Variants in ULK4 observed in about 807,000 individuals in gnomAD.
ULK4 encodes the protein unc-51 like kinase 4, also known as inactive serine/threonine-protein kinase ULK4.
ULK4 carries 133 observed loss-of-function variants against 160.6 expected under a neutral mutation model. That is an observed-to-expected ratio of 0.83 (90% CI 0.72 to 0.96). The LOEUF (loss-of-function observed/expected upper bound fraction) is 0.96, where lower values mean the gene tolerates loss of function less well. ULK4 is among the 40% of genes least tolerant of loss of function. ULK4 has a pLI of 0.00. For missense variants in ULK4, 1,580 were observed against 1,499.5 expected (o/e 1.05, Z -0.89); for synonymous variants, 534 against 539.8 (o/e 0.99, Z 0.15).
At chr3:41,434,359 T>C (rs1167447208) in intron 34 of ULK4, among the ~76,000 whole-genome samples, 1 of 152,148 alleles carries the variant, frequency 6.6e-6, no homozygotes, top group South Asian at 2.1e-4. Context: ...TATTGAGAAA[T>C]GGGATAGAAA....
chr3:41,721,662 G>T (rs1204447141), intron 22 of ULK4, among the ~76,000 whole-genome samples: 1 of 151,716 alleles, frequency 6.6e-6, no homozygotes, highest in Non-Finnish European at 1.5e-5. Flanking sequence ...CACCATGCCT[G>T]GCCAATGTTT....
chr3:41,952,458 T>C (rs1269566070), intron 2 of ULK4, among the ~76,000 whole-genome samples: 2 of 151,982 alleles, frequency 1.3e-5, no homozygotes, highest in African/African-American at 2.4e-5. Flanking sequence ...TATAAGCATA[T>C]GAAAAGATGC....
chr3:41,582,585 C>A (rs1392090323), intron 31 of ULK4, among the ~76,000 whole-genome samples: 1 of 152,184 alleles, frequency 6.6e-6, no homozygotes, highest in Non-Finnish European at 1.5e-5. Flanking sequence ...TCTGAGGAGG[C>A]CTTCATCACC....
At chr3:41,593,951 G>A (rs1349698559) in intron 31 of ULK4, among the ~76,000 whole-genome samples, 1 of 152,026 alleles carries the variant, frequency 6.6e-6, no homozygotes, top group Non-Finnish European at 1.5e-5. Context: ...GGGCTGAGGT[G>A]GGAAGATGGA....
chr3:41,929,692 TAACA>T (rs1350999775), intron 5 of ULK4, among the ~76,000 whole-genome samples: 1 of 151,916 alleles, frequency 6.6e-6, no homozygotes, highest in Non-Finnish European at 1.5e-5. Flanking sequence ...TATACACCAA[TAACA>T]AACAAACAGA....
intron 32 of ULK4, among the ~76,000 whole-genome samples, chr3:41,527,422 G>C (rs1395303152): frequency 6.6e-6 from 1 of 152,222 alleles, no homozygotes; most frequent in Non-Finnish European, 1.5e-5. Context: ...AACTTGTTTA[G>C]ATTTTGTCAC....
At chr3:41,247,045 G>C in intron 36 of ULK4, 53 bp from the exon 37 acceptor site, 1 of 1,560,018 alleles carries the variant, frequency 6.4e-7, no homozygotes, top group Middle Eastern at 1.7e-4. Flanking sequence ...AAGGTAAAGT[G>C]CTCCCCCCTT....
At chr3:41,677,900 T>A (rs1414659436) in intron 29 of ULK4, among the ~76,000 whole-genome samples, 4 of 152,258 alleles carry the variant, frequency 2.6e-5, no homozygotes, top group Admixed American at 2.6e-4. Flanking sequence ...CTCCCTAACA[T>A]GGGTGAATCT....
At chr3:41,680,937 C>T (rs1161072817) in intron 29 of ULK4, among the ~76,000 whole-genome samples, 1 of 152,134 alleles carries the variant, frequency 6.6e-6, no homozygotes, top group African/African-American at 2.4e-5. Context: ...TAGGGTTTTG[C>T]ATGTTTGCAT....
At chr3:41,310,498 A>C (rs12497948) in intron 35 of ULK4, among the ~76,000 whole-genome samples, 23,586 of 152,200 alleles carry the variant, frequency 0.15, 2,188 homozygotes, top group African/African-American at 0.25. Flanking sequence ...ACAGTAAATA[A>C]TAACACAACA....
At chr3:41,849,398 C>G (rs1428613505) in intron 17 of ULK4, among the ~76,000 whole-genome samples, 1 of 152,140 alleles carries the variant, frequency 6.6e-6, no homozygotes, top group African/African-American at 2.4e-5. Context: ...ACTAGAGAAG[C>G]AGCACATGAA....
rs143471293 is a variant in ULK4, at chr3:41,773,082, G to A, written c.2193+16579C>T. 6.3e-3 allele frequency among the ~76,000 whole-genome samples: 951 copies of A among 151,978 alleles called. 9 individuals carry two copies. Among genetic ancestry groups the A allele is most frequent in the African/African-American group, 0.022 (911 of 41,478 alleles). On this transcript the variant is annotated intron_variant, in intron 21 of 36. Transcript: ENST00000301831. ...GATGGGACATATCTCGAAATAATAA[G>A]AGCTATCTATGACAAACCCACAGCC...
chr3:41,775,549 C>G lies in ULK4; in HGVS notation c.2193+14112G>C, dbSNP rs189229614. ...GAGTAGCTGGAATTACAGGCACACA[C>G]CACCACACCCAGCTAATTTTTGTAT... On this transcript the variant is annotated intron_variant, in intron 21 of 36. Coordinates refer to ENST00000301831, the MANE Select transcript of ULK4 (RefSeq NM_017886.4). Among the ~76,000 whole-genome samples, 995 of 150,416 alleles carry G rather than the reference C, an allele frequency of 6.6e-3. 24 individuals carry two copies. Among genetic ancestry groups the G allele is most frequent in the Non-Finnish European group, 8.2e-3 (558 of 68,002 alleles).
intron 21 of ULK4, among the ~76,000 whole-genome samples, chr3:41,786,005 G>C (rs1282273261): frequency 2.0e-5 from 3 of 151,938 alleles, no homozygotes; most frequent in Non-Finnish European, 4.4e-5. Context: ...ATCATCCAAG[G>C]CCAGAATGCA....
At chr3:41,530,833 G>A (rs978012064) in intron 32 of ULK4, among the ~76,000 whole-genome samples, 2 of 151,922 alleles carry the variant, frequency 1.3e-5, no homozygotes, top group African/African-American at 2.4e-5. Context: ...GCATGATCTC[G>A]GCTCACTGCA....
chr3:41,492,180 C>T (rs1265504792), intron 32 of ULK4, among the ~76,000 whole-genome samples: 2 of 151,070 alleles, frequency 1.3e-5, no homozygotes, highest in East Asian at 3.9e-4. Flanking sequence ...TGAATACTGC[C>T]GCAATAAACA....
At chr3:41,567,304 A>G (rs2087813877) in intron 31 of ULK4, among the ~76,000 whole-genome samples, 1 of 152,146 alleles carries the variant, frequency 6.6e-6, no homozygotes, top group Non-Finnish European at 1.5e-5. Context: ...CATATAATGT[A>G]TTAGAAGATA....
intron 29 of ULK4, among the ~76,000 whole-genome samples, chr3:41,675,113 G>A (rs918270138): frequency 3.3e-5 from 5 of 151,976 alleles, no homozygotes; most frequent in African/African-American, 4.8e-5. Flanking sequence ...GGTGGTGCAC[G>A]CCTGTAGTCC....
At chr3:41,685,581 T>TGGCA (rs1389282599) in intron 27 of ULK4, among the ~76,000 whole-genome samples, 1 of 152,244 alleles carries the variant, frequency 6.6e-6, no homozygotes, top group Non-Finnish European at 1.5e-5. Flanking sequence ...CAGGAAGGAA[T>TGGCA]GGCAGCCTTG....
Sources: allele counts gnomAD v4.1 joint callset (sites outside exome capture counted in the v4.1 genomes callset), GRCh38; gene constraint gnomAD v4.1.1; transcripts MANE v1.5; gene names NCBI Gene and HGNC (gene_info 2026-07-23, HGNC 2026-07-21).